HK1: variants seen among roughly 807,000 people sequenced by gnomAD.
HK1 encodes the protein hexokinase 1.
A neutral mutation model predicts 91.6 loss-of-function variants in HK1; 28 were observed. The ratio of observed to expected loss-of-function variants is 0.31; its 90% CI spans 0.23 to 0.42. The LOEUF (loss-of-function observed/expected upper bound fraction) is 0.42, where lower values mean the gene tolerates loss of function less well. Among genes scored for constraint, HK1 ranks in the 10% least tolerant of loss-of-function variants. The pLI is 1.00. For synonymous variants in HK1, 430 were observed against 468.1 expected, an observed-to-expected ratio of 0.92 and a Z score of 1.05; for missense variants, 770 against 1,219.8, an observed-to-expected ratio of 0.63 and a Z score of 5.49.
At chr10:69,350,342 T>C (rs1848781004) in intron 2 of HK1, among the ~76,000 whole-genome samples, 1 of 152,128 alleles carries the variant, frequency 6.6e-6, no homozygotes, top group Admixed American at 6.5e-5. Flanking sequence ...TCCAGGAAAG[T>C]TTATCAGTTA....
At chr10:69,328,089 G>GGGCA (rs1157474472) in intron 1 of HK1, among the ~76,000 whole-genome samples, 1 of 152,178 alleles carries the variant, frequency 6.6e-6, no homozygotes, top group Non-Finnish European at 1.5e-5. Flanking sequence ...GACCCGGGTA[G>GGGCA]GGCAGGCTTA....
intron 1 of HK1, among the ~76,000 whole-genome samples, chr10:69,321,408 G>C (rs1564510185): frequency 6.6e-6 from 1 of 152,200 alleles, no homozygotes. Flanking sequence ...CATAGGAAAG[G>C]CTAGGTGAAG....
chr10:69,311,952 C>A (rs542457854), upstream of HK1, among the ~76,000 whole-genome samples: 3 of 151,816 alleles, frequency 2.0e-5, no homozygotes, highest in Non-Finnish European at 4.4e-5. Flanking sequence ...CAGTTCTTTA[C>A]GCCTATGACT....
chr10:69,281,138 A>G (rs1844725246), intron 1 of HK1, among the ~76,000 whole-genome samples: 1 of 152,204 alleles, frequency 6.6e-6, no homozygotes, highest in African/African-American at 2.4e-5. Flanking sequence ...GTAGGCATCT[A>G]AAATAGGGCT....
rs1232651856 is a variant in HK1 at position 69,395,237 on chromosome 10, G to A, written c.2375+132G>A. The A allele has an allele frequency of 5.3e-5, 40 of 759,166 alleles. 1 individual carries two copies. The highest frequency in any genetic ancestry group is 5.0e-4 in the South Asian group (33 of 65,840). 47.0% of individuals were successfully genotyped at this position (759,166 alleles called of 1,614,324 possible). On this transcript the variant is annotated intron_variant, in intron 16 of 17. Coordinates refer to ENST00000359426, the MANE Select transcript of HK1 (RefSeq NM_000188.3). ...TGAGGATTTTTTTTCCTCTGGAATA[G>A]CAGACCCTGGGCATTTGCATAGTGA...
intron 1 of HK1, among the ~76,000 whole-genome samples, chr10:69,270,268 AC>A (rs1325686638): frequency 2.6e-5 from 4 of 152,054 alleles, no homozygotes; most frequent in Non-Finnish European, 5.9e-5. Context: ...GCGCCACTGC[AC>A]CCAGCTGACT....
chr10:69,292,792 A>G (rs1225228021), intron 3 of HK1, among the ~76,000 whole-genome samples: 1 of 152,076 alleles, frequency 6.6e-6, no homozygotes, highest in East Asian at 1.9e-4. Flanking sequence ...GAGATTGACA[A>G]TCAGAATCCT....
intron 2 of HK1, among the ~76,000 whole-genome samples, chr10:69,348,262 G>A (rs1848669498): frequency 6.6e-6 from 1 of 152,150 alleles, no homozygotes. Flanking sequence ...GCAAAGCAGA[G>A]CCATTTACAG....
chr10:69,399,161 C>T (rs929703036), intron 17 of HK1, among the ~76,000 whole-genome samples: 8 of 152,238 alleles, frequency 5.3e-5, no homozygotes, highest in African/African-American at 1.9e-4. Context: ...ACTCATAAGC[C>T]TGGTGAGCTG....
chr10:69,293,861 T>C (rs980824960), intron 3 of HK1, among the ~76,000 whole-genome samples: 72 of 140,084 alleles, frequency 5.1e-4, no homozygotes, highest in Admixed American at 2.5e-3. Context: ...CTTTCTTTTT[T>C]TTTTTTTTTT....
intron 2 of HK1, among the ~76,000 whole-genome samples, chr10:69,348,072 A>G (rs1463047778): frequency 6.6e-6 from 1 of 152,036 alleles, no homozygotes; most frequent in East Asian, 1.9e-4. Flanking sequence ...ATTTATCCCT[A>G]AGGATATTGT....
At position 69,392,712 on chromosome 10, in the gene HK1, GTGGCCTT is replaced by G. The variant is rs1211882852; in HGVS notation, c.2219+405_2219+411del. 2.4e-3 allele frequency among the ~76,000 whole-genome samples: 367 copies of G among 152,286 alleles called. 5 individuals carry two copies. The highest frequency in any genetic ancestry group is 8.1e-3 in the African/African-American group (336 of 41,550). On this transcript the variant is annotated intron_variant, in intron 15 of 17. Transcript: ENST00000359426. ...CTCCGTGAGCCTCCTGCACCACCTAGTGGCCTTGTGGAGCTTTGCAGCTCAGGTCTCA... is the reference window on the plus strand; with the variant it reads ...CTCCGTGAGCCTCCTGCACCACCTAGGTGGAGCTTTGCAGCTCAGGTCTCA...
chr10:69,344,064 C>G, intron 2 of HK1, 75 bp downstream of exon 2: 1 of 1,453,522 alleles, frequency 6.9e-7, no homozygotes, highest in Non-Finnish European at 9.7e-7. Flanking sequence ...TTCATTTGTT[C>G]ATACATTTGC....
intron 16 of HK1, among the ~76,000 whole-genome samples, chr10:69,395,634 A>G (rs1341713260): frequency 4.6e-5 from 7 of 152,132 alleles, no homozygotes; most frequent in African/African-American, 1.7e-4. Flanking sequence ...ATGTTGGGGC[A>G]TTATATTGAT....
At chr10:69,276,150 T>C in intron 1 of HK1, among the ~76,000 whole-genome samples, 1 of 127,654 alleles carries the variant, frequency 7.8e-6, no homozygotes, top group Non-Finnish European at 1.6e-5. Flanking sequence ...CACATATATA[T>C]ATTCTATATT....
intron 5 of HK1, among the ~76,000 whole-genome samples, chr10:69,301,198 T>A (rs1845845909): frequency 7.4e-6 from 1 of 135,968 alleles, no homozygotes; most frequent in Non-Finnish European, 1.5e-5. Flanking sequence ...TGAGCCGAGA[T>A]CACGCCACTG....
chr10:69,351,235 C>A (rs934472035), intron 2 of HK1, among the ~76,000 whole-genome samples: 4 of 151,630 alleles, frequency 2.6e-5, no homozygotes, highest in South Asian at 2.1e-4. Context: ...AGGCCAGGCA[C>A]GGTGGCTCAC....
In HK1 at chr10:69,291,622, T is replaced by C. The variant is rs1323098022; in HGVS notation, c.-115+2852T>C. Among the ~76,000 whole-genome samples, 3 of 152,186 alleles carry C rather than the reference T, an allele frequency of 2.0e-5. No individual in the cohort carries two copies. In the East Asian group the frequency reaches 5.8e-4, roughly 29 times the overall value. On this transcript the variant is annotated intron_variant, in intron 3 of 21. Coordinates refer to the HK1 transcript ENST00000360289. ...ACTCAGGACTCTCTCACTCCAGGACTGTGCTCTTTCTACCCACCATCAAGC... is the reference window on the plus strand; with the variant it reads ...ACTCAGGACTCTCTCACTCCAGGACCGTGCTCTTTCTACCCACCATCAAGC...
intron 1 of HK1, among the ~76,000 whole-genome samples, chr10:69,276,140 C>T (rs75289508): frequency 4.9e-4 from 41 of 83,902 alleles, no homozygotes; most frequent in African/African-American, 1.4e-3. Flanking sequence ...TATATATATA[C>T]ACATATATAT....
Sources: allele counts gnomAD v4.1 joint callset (sites outside exome capture counted in the v4.1 genomes callset), GRCh38; gene constraint gnomAD v4.1.1; transcripts MANE v1.5; gene names NCBI Gene and HGNC (gene_info 2026-07-23, HGNC 2026-07-21).